Variants in EYA4 observed in about 807,000 individuals in gnomAD.
The protein encoded by EYA4 is protein phosphatase EYA4.
EYA4 carries 31 observed loss-of-function variants against 87.9 expected under a neutral mutation model. That is an observed-to-expected ratio of 0.35 (90% confidence interval 0.27 to 0.48). The LOEUF (loss-of-function observed/expected upper bound fraction) is 0.48. Ranked by LOEUF, EYA4 falls within the 20% of genes least tolerant of loss-of-function variation. EYA4 has a pLI of 0.99. For missense variants in EYA4, 678 were observed against 761.4 expected (o/e 0.89, Z 1.29); for synonymous variants, 263 against 270.6 (o/e 0.97, Z 0.28).
At chr6:133,460,295 T>C (rs907024436) in intron 6 of EYA4, among the ~76,000 whole-genome samples, 1 of 152,124 alleles carries the variant, frequency 6.6e-6, no homozygotes, top group Non-Finnish European at 1.5e-5. Flanking sequence ...CTAAGGGAAC[T>C]GGCTCACACT....
At chr6:133,448,667 C>T (rs1243711357) in intron 5 of EYA4, among the ~76,000 whole-genome samples, 1 of 152,076 alleles carries the variant, frequency 6.6e-6, no homozygotes, top group Non-Finnish European at 1.5e-5. Context: ...TAATCAATAT[C>T]CCCTCACCTT....
intron 13 of EYA4, 62 bp from the exon 14 acceptor site, chr6:133,506,044 A>C: frequency 1.0e-6 from 1 of 973,658 alleles, no homozygotes. Context: ...TGTGCTTAAA[A>C]TATTTTTAAT....
At chr6:133,308,720 A>G (rs971635201) in intron 2 of EYA4, among the ~76,000 whole-genome samples, 2 of 152,218 alleles carry the variant, frequency 1.3e-5, no homozygotes, top group African/African-American at 4.8e-5. Context: ...AGCCGCATCC[A>G]TGTTGCTGCA....
At chr6:133,329,150 T>A (rs933046098) in intron 2 of EYA4, among the ~76,000 whole-genome samples, 2 of 152,166 alleles carry the variant, frequency 1.3e-5, no homozygotes, top group African/African-American at 4.8e-5. Flanking sequence ...TAGTAAAATA[T>A]GATTTGATGA....
chr6:133,323,818 T>C (rs1158320090), intron 2 of EYA4, among the ~76,000 whole-genome samples: 2 of 152,172 alleles, frequency 1.3e-5, no homozygotes, highest in Non-Finnish European at 2.9e-5. Context: ...TTATAAATGC[T>C]GAAGAGTCCT....
At chr6:133,257,362 C>A (rs527730649) in intron 1 of EYA4, among the ~76,000 whole-genome samples, 9 of 152,208 alleles carry the variant, frequency 5.9e-5, no homozygotes, top group Admixed American at 5.2e-4. Context: ...GTAGGTGAGG[C>A]CTGTGATGAT....
rs914022432 is a variant in EYA4, at chr6:133,378,842, T to C, written c.34-3550T>C. Among the ~76,000 whole-genome samples the C allele has an allele frequency of 6.6e-5, 10 of 152,194 alleles. No homozygotes were observed. The South Asian group carries it at 1.9e-3, about 28-fold the overall frequency. On this transcript the variant is annotated intron_variant, in intron 2 of 19. Coordinates refer to ENST00000355286, the MANE Select transcript of EYA4 (RefSeq NM_004100.5). ...GGAATTTTCCTGTATTTTTATAATTTCTCTGAAGAGATATTGCATAGGTTA... is the reference window on the plus strand; with the variant it reads ...GGAATTTTCCTGTATTTTTATAATTCCTCTGAAGAGATATTGCATAGGTTA...
chr6:133,501,922 C>T (rs1798153528), intron 13 of EYA4, among the ~76,000 whole-genome samples: 1 of 152,124 alleles, frequency 6.6e-6, no homozygotes, highest in African/African-American at 2.4e-5. Context: ...GGCTAATAGG[C>T]GTTAGTATTT....
At chr6:133,394,478 T>C (rs1249587847) in intron 3 of EYA4, among the ~76,000 whole-genome samples, 2 of 151,954 alleles carry the variant, frequency 1.3e-5, no homozygotes, top group Non-Finnish European at 2.9e-5. Flanking sequence ...TTGCTTTAGT[T>C]ATAATTAATT....
chr6:133,527,951 A>T (rs985166454), intron 19 of EYA4, among the ~76,000 whole-genome samples: 10 of 152,058 alleles, frequency 6.6e-5, no homozygotes, highest in African/African-American at 2.4e-4. Flanking sequence ...TTTTTTTCTA[A>T]TTACTCCCTT....
At chr6:133,305,991 G>GTGTT (rs905227922) in intron 2 of EYA4, among the ~76,000 whole-genome samples, 7 of 151,862 alleles carry the variant, frequency 4.6e-5, no homozygotes, top group Middle Eastern at 3.2e-3. Context: ...ATGTCATTGT[G>GTGTT]TGTGTGTATT....
intron 2 of EYA4, among the ~76,000 whole-genome samples, chr6:133,368,705 C>G (rs771729775): frequency 1.4e-4 from 22 of 152,178 alleles, no homozygotes; most frequent in Non-Finnish European, 2.5e-4. Flanking sequence ...AGTCAGGCAG[C>G]TCTCTGTCAT....
At chr6:133,243,093 T>C (rs866265612) in intron 1 of EYA4, among the ~76,000 whole-genome samples, 8 of 147,762 alleles carry the variant, frequency 5.4e-5, no homozygotes, top group Admixed American at 2.7e-4. Flanking sequence ...CAACTTCGTG[T>C]GTGTGTGTGT....
intron 1 of EYA4, among the ~76,000 whole-genome samples, chr6:133,261,802 GT>G (rs921919972): frequency 6.6e-6 from 1 of 152,048 alleles, no homozygotes; most frequent in Admixed American, 6.6e-5. Flanking sequence ...ATAAAAACAG[GT>G]TTTCTTCCAC....
At chr6:133,314,620 C>A (rs1480722045) in intron 2 of EYA4, among the ~76,000 whole-genome samples, 1 of 152,130 alleles carries the variant, frequency 6.6e-6, no homozygotes, top group Non-Finnish European at 1.5e-5. Context: ...ACTGGTGTAA[C>A]TTCCCTTCTG....
intron 3 of EYA4, among the ~76,000 whole-genome samples, chr6:133,433,702 G>A (rs530237652): frequency 6.6e-6 from 1 of 152,332 alleles, no homozygotes; most frequent in East Asian, 1.9e-4. Context: ...AAGTTTGTAG[G>A]TGAGATAGGA....
intron 3 of EYA4, among the ~76,000 whole-genome samples, chr6:133,426,784 C>T (rs545043149): frequency 6.8e-4 from 104 of 152,272 alleles, no homozygotes; most frequent in African/African-American, 2.4e-3. Context: ...TCCTCTCTTC[C>T]CATCTGTCTG....
intron 5 of EYA4, 47 bp downstream of exon 5, chr6:133,448,226 G>GCC (rs768313217): frequency 1.4e-6 from 2 of 1,408,322 alleles, no homozygotes; most frequent in Non-Finnish European, 2.0e-6. Flanking sequence ...GTGTGGATTT[G>GCC]CCCCTCTGGA....
At chr6:133,373,751 T>G (rs1488341314) in intron 2 of EYA4, among the ~76,000 whole-genome samples, 1 of 152,132 alleles carries the variant, frequency 6.6e-6, no homozygotes, top group Admixed American at 6.6e-5. Context: ...AGGAAGTATC[T>G]CTTTAGGTGT....
Sources: gnomAD v4.1 joint callset for allele counts (sites outside exome capture counted in the v4.1 genomes callset) on GRCh38, gnomAD v4.1.1 for gene constraint, MANE v1.5 for transcripts, NCBI Gene and HGNC (gene_info 2026-07-23, HGNC 2026-07-21) for gene names.